SDK2: variants seen among roughly 807,000 people sequenced by gnomAD.
SDK2 encodes sidekick cell adhesion molecule 2, also known as protein sidekick-2.
SDK2 carries 105 observed loss-of-function variants against 253.9 expected under a neutral mutation model. The ratio of observed to expected loss-of-function variants is 0.41; its 90% confidence interval spans 0.35 to 0.49. The LOEUF (loss-of-function observed/expected upper bound fraction) is 0.49, where lower values mean the gene tolerates loss of function less well. SDK2 is among the 20% of genes least tolerant of loss of function. The pLI is 0.06. For synonymous variants in SDK2, 1,249 were observed against 1,234.9 expected, an observed-to-expected ratio of 1.01 and a Z score of -0.24; for missense variants, 2,608 against 3,003.0, an observed-to-expected ratio of 0.87 and a Z score of 3.07.
At chr17:73,402,537 C>T (rs2063037383) in intron 18 of SDK2, among the ~76,000 whole-genome samples, 1 of 152,222 alleles carries the variant, frequency 6.6e-6, no homozygotes, top group African/African-American at 2.4e-5. Flanking sequence ...GAGCATTTAA[C>T]TAAGTGTGGG....
intron 1 of SDK2, among the ~76,000 whole-genome samples, chr17:73,633,143 G>T (rs1403454834): frequency 6.6e-6 from 1 of 152,058 alleles, no homozygotes; most frequent in Admixed American, 6.6e-5. Flanking sequence ...TGATTAGCTG[G>T]GTATGGTAGT....
chr17:73,571,541 C>T lies in SDK2; in HGVS notation c.65-63944G>A, dbSNP rs147048470. On this transcript the variant is annotated intron_variant, in intron 1 of 44. Coordinates refer to ENST00000392650, the MANE Select transcript of SDK2 (RefSeq NM_001144952.2). ...GTGGGAGTCCAGCCCGGTGGCCCCCCGGGCGCTCTAAGCAGCCTGTGCCTA... is the reference window on the plus strand; with the variant it reads ...GTGGGAGTCCAGCCCGGTGGCCCCCTGGGCGCTCTAAGCAGCCTGTGCCTA... Among the ~76,000 whole-genome samples the T allele has an allele frequency of 7.0e-4, 107 of 152,300 alleles. 1 individual carries two copies. Among genetic ancestry groups the T allele is most frequent in the East Asian group, 2.7e-3 (14 of 5,180 alleles).
At chr17:73,510,586 A>G (rs2063972594) in intron 1 of SDK2, among the ~76,000 whole-genome samples, 1 of 152,060 alleles carries the variant, frequency 6.6e-6, no homozygotes, top group Non-Finnish European at 1.5e-5. Flanking sequence ...CGCAGCCTCG[A>G]CCTCTGGGGC....
chr17:73,343,393 ATC>A (rs1038635602), intron 44 of SDK2, among the ~76,000 whole-genome samples: 12 of 152,204 alleles, frequency 7.9e-5, no homozygotes, highest in Non-Finnish European at 1.5e-4. Context: ...CTCCCTGAAC[ATC>A]TGTTTCTTTT....
chr17:73,494,361 C>T (rs1307541561), intron 2 of SDK2, among the ~76,000 whole-genome samples: 1 of 152,050 alleles, frequency 6.6e-6, no homozygotes, highest in Non-Finnish European at 1.5e-5. Context: ...GTGACTCTCT[C>T]ATAGCTCCTA....
rs753141397 is a variant in SDK2, at chr17:73,435,638, G to A, written c.1007C>T (p.Pro336Leu). The A allele has an allele frequency of 1.1e-5, 17 of 1,560,144 alleles. No individual in the cohort carries two copies. Among genetic ancestry groups the A allele is most frequent in the East Asian group, 4.8e-5 (2 of 41,848 alleles). Residue 336 changes from proline (P) to leucine (L), a missense_variant, in exon 9 of 45, where the codon CCG becomes CTG. Transcript: ENST00000392650. This position sits in a 1 kb window ranked among gnomAD's most constrained non-coding sequence, Gnocchi z 5.7. The part of the protein sequence containing the change: ...VDIPCQAKGV[P>L]PPSITWYKDA... Reference sequence around the variant, plus strand: ...CTTGTACCAGGTGATGGAGGGCGGCGGCACACCTGTGGGCAAGACGTGGGC... The same window carrying A: ...CTTGTACCAGGTGATGGAGGGCGGCAGCACACCTGTGGGCAAGACGTGGGC...
chr17:73,436,280 A>G (rs1017300192), intron 8 of SDK2, among the ~76,000 whole-genome samples: 1 of 125,668 alleles, frequency 8.0e-6, no homozygotes, highest in Non-Finnish European at 1.7e-5. Flanking sequence ...TGTTTTCATA[A>G]GTTCCCCCAG....
Position 73,447,696 on chromosome 17 carries a change from C to A in SDK2, c.532G>T (p.Ala178Ser), listed in dbSNP as rs200244352. The A allele has an allele frequency of 6.4e-7, 1 of 1,551,742 alleles. No homozygotes were observed. The highest frequency in any genetic ancestry group is 2.0e-5 in the Admixed American group (1 of 51,012). The change falls in exon 5 of 45, where the codon GCA becomes TCA. Residue 178 changes from alanine to serine, a missense_variant. Around this residue, in one of 2 missense-constraint regions of SDK2, gnomAD observed 1,505 missense variants for 1,859.1 expected, o/e 0.81. Coordinates refer to ENST00000392650, the MANE Select transcript of SDK2 (RefSeq NM_001144952.2). This position sits in a 1 kb window ranked among gnomAD's most constrained non-coding sequence, Gnocchi z 4.0. ...LVILSTVAPD[A>S]GRYYVQAVND... ...ACAGCCTGCACATAGTAGCGACCTG[C>A]GTCAGGGGCCACCGTTGACAGGATG... is the stretch of plus-strand genomic sequence containing the variant.
At chr17:73,363,641 T>C (rs1217601239) in intron 38 of SDK2, among the ~76,000 whole-genome samples, 1 of 152,126 alleles carries the variant, frequency 6.6e-6, no homozygotes, top group Non-Finnish European at 1.5e-5. Context: ...GCTGTACTTA[T>C]TAACTGAACT....
chr17:73,356,680 C>T (rs887765656), intron 40 of SDK2, among the ~76,000 whole-genome samples: 2 of 152,160 alleles, frequency 1.3e-5, no homozygotes, highest in South Asian at 4.1e-4. Context: ...CCACCATGCC[C>T]CTTGCCCCCT....
In SDK2 at chr17:73,431,653, G is replaced by A. The variant is rs757145368; in HGVS notation, c.1329C>T (p.Ala443=). 1.9e-6 allele frequency: 3 copies of A among 1,610,124 alleles called. No individual in the cohort carries two copies. The highest frequency in any genetic ancestry group is 1.3e-5 in the African/African-American group (1 of 74,776). Residue 443 remains alanine (A), a synonymous_variant, in exon 11 of 45, where the codon GCC becomes GCT. Transcript: ENST00000392650. This position sits in a 1 kb window ranked among gnomAD's most constrained non-coding sequence, Gnocchi z 5.6. ...AGCGAGGCAGCTGCACAGAGCCACT[G>A]GCCAAGATGCGCTCCCCTGAGGGCA... ...ITWQKGERIL[A]SGSVQLPRFT...
At chr17:73,370,624 T>C (rs770672701) in intron 36 of SDK2, among the ~76,000 whole-genome samples, 2 of 152,000 alleles carry the variant, frequency 1.3e-5, no homozygotes, top group Non-Finnish European at 2.9e-5. Context: ...AGTGGCATGA[T>C]CTTGGCTCAC....
intron 10 of SDK2, among the ~76,000 whole-genome samples, chr17:73,432,291 G>A (rs1293750124): frequency 6.6e-6 from 1 of 152,058 alleles, no homozygotes; most frequent in Admixed American, 6.5e-5. Context: ...GAGTGCAAGT[G>A]CACCTGCAGG....
At chr17:73,493,473 AG>A (rs767067614) in intron 2 of SDK2, among the ~76,000 whole-genome samples, 29 of 152,206 alleles carry the variant, frequency 1.9e-4, no homozygotes, top group Non-Finnish European at 3.4e-4. Context: ...AGGAGATGAC[AG>A]GAAGAAGTGA....
At chr17:73,482,694 A>G (rs1013404946) in intron 2 of SDK2, among the ~76,000 whole-genome samples, 2 of 152,272 alleles carry the variant, frequency 1.3e-5, no homozygotes, top group African/African-American at 4.8e-5. Flanking sequence ...CCATCAGCCC[A>G]GTGGTCCCCA....
intron 2 of SDK2, among the ~76,000 whole-genome samples, chr17:73,493,370 C>T (rs967689332): frequency 6.6e-6 from 1 of 152,182 alleles, no homozygotes; most frequent in Non-Finnish European, 1.5e-5. Context: ...ATGTTCTGTG[C>T]GGCACATTGG....
At position 73,497,360 on chromosome 17, in the gene SDK2, T is replaced by C. The variant is rs114332328; in HGVS notation, c.224+10078A>G. ...CAGGCTGGTTTCCAACTCCCTTATA[T>C]ATGGCCTGGTGGGACCACAGAGCCC... On this transcript the variant is annotated intron_variant, in intron 2 of 44. Transcript: ENST00000392650. 3.5e-3 allele frequency among the ~76,000 whole-genome samples: 533 copies of C among 152,302 alleles called. 3 individuals carry two copies. The highest frequency in any genetic ancestry group is 0.012 in the African/African-American group (486 of 41,556).
intron 1 of SDK2, among the ~76,000 whole-genome samples, chr17:73,592,223 G>A (rs910662045): frequency 4.6e-5 from 7 of 152,348 alleles, no homozygotes; most frequent in East Asian, 3.9e-4. Flanking sequence ...CCATGCCTCC[G>A]TGGGCCTGGC....
chr17:73,438,249 G>T, intron 6 of SDK2, 95 bp from the exon 7 acceptor site: 5 of 1,219,332 alleles, frequency 4.1e-6, no homozygotes, highest in Non-Finnish European at 5.6e-6. Context: ...GGGCTTGGGA[G>T]CCGGGCTGCC....
Sources: gnomAD v4.1 joint callset for allele counts (sites outside exome capture counted in the v4.1 genomes callset) on GRCh38, gnomAD v4.1.1 for gene constraint, gnomAD v4.1.1 regional missense constraint, Gnocchi (gnomAD v3.1) non-coding constraint, MANE v1.5 for transcripts, NCBI Gene and HGNC (gene_info 2026-07-23, HGNC 2026-07-21) for gene names.